Variants in DST observed in about 807,000 individuals in gnomAD.
DST encodes the protein dystonin.
A neutral mutation model predicts 875.2 loss-of-function variants in DST; 253 were observed. That is an observed-to-expected ratio of 0.29 (90% confidence interval 0.26 to 0.32). The LOEUF (loss-of-function observed/expected upper bound fraction) is 0.32, where lower values mean the gene tolerates loss of function less well. DST is among the 10% of genes least tolerant of loss of function. The probability of loss-of-function intolerance (pLI) is 1.00; values close to 1 mark genes in which losing one functional copy is unlikely to be tolerated. For missense variants in DST, 8,287 were observed against 9,111.6 expected (o/e 0.91, Z 3.68); for synonymous variants, 3,124 against 3,197.1 (o/e 0.98, Z 0.77).
chr6:56,555,907 G>C, intron 59 of DST, 67 bp from the exon 60 acceptor site: 1 of 1,360,032 alleles, frequency 7.4e-7, no homozygotes, highest in Middle Eastern at 1.9e-4. Flanking sequence ...CAGATTTGGT[G>C]TCCAAACAGA....
intron 86 of DST, among the ~76,000 whole-genome samples, chr6:56,488,596 G>C (rs6459162): frequency 1.2e-3 from 184 of 152,270 alleles, no homozygotes; most frequent in Non-Finnish European, 1.9e-3. Flanking sequence ...CCCACTGATG[G>C]AAGCAGCCAA....
At chr6:56,465,867 TAAA>T (rs11359681) in intron 99 of DST, among the ~76,000 whole-genome samples, 17 of 112,374 alleles carry the variant, frequency 1.5e-4, no homozygotes, top group Admixed American at 1.9e-4. Context: ...CCAGAAAAAG[TAAA>T]AAAAAAAAAA....
chr6:56,462,814 A>G (rs1324198529), intron 102 of DST, among the ~76,000 whole-genome samples: 2 of 152,218 alleles, frequency 1.3e-5, no homozygotes, highest in African/African-American at 4.8e-5. Context: ...AGTCTGCAGG[A>G]GTGACTGGGT....
chr6:56,949,250 GTTTGTTTTTGTTGT>G (rs1366880358), intron 2 of DST, among the ~76,000 whole-genome samples: 4 of 152,214 alleles, frequency 2.6e-5, no homozygotes, highest in Middle Eastern at 6.8e-3. Flanking sequence ...GTTTTTGTTT[GTTTGTTTTTGTTGT>G]TTTGTTTTTG....
Position 56,804,085 on chromosome 6 carries a change from T to C in DST, c.625+47312A>G, listed in dbSNP as rs116034686. On this transcript the variant is annotated intron_variant, in intron 4 of 103. Transcript: ENST00000680361. The stretch of plus-strand genomic sequence containing the variant: ...AAATTTGAATATACTGTTTAAATCA[T>C]AGATTTCATTTACAAAATCAAACTA... Among the ~76,000 whole-genome samples the C allele has an allele frequency of 7.4e-3, 1,122 of 152,296 alleles. 12 individuals carry two copies. The highest frequency in any genetic ancestry group is 0.026 in the African/African-American group (1,079 of 41,554).
At chr6:56,633,894 T>C (rs554344152) in intron 27 of DST, among the ~76,000 whole-genome samples, 4 of 152,316 alleles carry the variant, frequency 2.6e-5, no homozygotes, top group African/African-American at 9.6e-5. Context: ...ACAACTACAT[T>C]CTGCCTCCCT....
Position 56,611,531 on chromosome 6 carries a change from A to C in DST, c.5124T>G (p.Leu1708=), listed in dbSNP as rs748189091. The change falls in exon 38 of 104, where the codon CTT becomes CTG. Residue 1708 remains leucine (L), a synonymous_variant. Transcript: ENST00000680361. ...QLSEALQTIQ[L]FLAKHGDKMT... ...ACTTGTCTCCATGTTTTGCCAAAAA[A>C]AGCTGTATAGTTTGAAGTGCTTCCG... is the stretch of plus-strand genomic sequence containing the variant. 4.3e-6 allele frequency: 7 copies of C among 1,612,762 alleles called. No homozygotes were observed. The African/African-American group carries it at 6.7e-5, about 15-fold the overall frequency.
intron 4 of DST, among the ~76,000 whole-genome samples, chr6:56,753,594 A>G (rs749895521): frequency 5.9e-5 from 9 of 152,228 alleles, no homozygotes; most frequent in Non-Finnish European, 1.2e-4. Context: ...TCTTAGTGCT[A>G]TTTGATAGAC....
At position 56,640,412 on chromosome 6, in the gene DST, G is replaced by C; in HGVS notation, c.2221C>G (p.Leu741Val). The C allele has an allele frequency of 6.2e-7, 1 of 1,614,140 alleles. No individual in the cohort carries two copies. The highest frequency in any genetic ancestry group is 1.3e-5 in the African/African-American group (1 of 75,018). The stretch of plus-strand genomic sequence containing the variant: ...CCAGAAGTCATACTAGAAGAGGTTA[G>C]GGAAGGTGTTAAACTCTGGGTCAGC... ...SGLTQSLTPSLTSSSMTSGLS... is the reference protein window; with the variant it reads ...SGLTQSLTPSVTSSSMTSGLS... Residue 741 changes from leucine (L) to valine (V), a missense_variant, in exon 18 of 104, where the codon CTA (leucine) becomes GTA (valine). Transcript: ENST00000680361.
chr6:56,617,455 C>T (rs1415869562), intron 36 of DST: 1 of 1,492,302 alleles, frequency 6.7e-7, no homozygotes, highest in East Asian at 2.3e-5. Flanking sequence ...AAAGTCACCT[C>T]AAGAACATTA....
chr6:56,460,353 A>G (rs752307723), intron 102 of DST, 99 bp from the exon 103 acceptor site: 7 of 1,324,518 alleles, frequency 5.3e-6, no homozygotes, highest in Non-Finnish European at 7.3e-6. Context: ...ACTCTCTACT[A>G]TTCCTCTTTA....
intron 4 of DST, among the ~76,000 whole-genome samples, chr6:56,762,975 C>T (rs913024329): frequency 3.3e-5 from 5 of 151,436 alleles, no homozygotes; most frequent in South Asian, 2.1e-4. Flanking sequence ...CTCAGCTTCC[C>T]GAGTAGCTGG....
intron 36 of DST, chr6:56,615,344 A>C (rs969448422): frequency 1.4e-6 from 2 of 1,457,098 alleles, no homozygotes; most frequent in African/African-American, 1.4e-5. Context: ...ATCTTATGTA[A>C]TTTTCAATTT....
Position 56,776,218 on chromosome 6 carries a change from TA to T in DST, c.626-40930del, listed in dbSNP as rs548763796. Among the ~76,000 whole-genome samples, 507 of 152,310 alleles carry T rather than the reference TA, an allele frequency of 3.3e-3. 5 individuals carry two copies. The highest frequency in any genetic ancestry group is 0.012 in the African/African-American group (490 of 41,564). The stretch of plus-strand genomic sequence containing the variant: ...GATAAACCCAAATTGAAGGACATTC[TA>T]CAAAATACCTGACCACTACTCCTCA... On this transcript the variant is annotated intron_variant, in intron 4 of 103. Transcript: ENST00000680361.
intron 80 of DST, among the ~76,000 whole-genome samples, chr6:56,498,522 G>A (rs186879449): frequency 8.9e-4 from 136 of 152,222 alleles, no homozygotes; most frequent in Non-Finnish European, 8.7e-4. Flanking sequence ...CCACTGGAAT[G>A]ACCTTGCAAT....
At chr6:56,952,976 C>T (rs1384306652) in intron 2 of DST, among the ~76,000 whole-genome samples, 2 of 152,142 alleles carry the variant, frequency 1.3e-5, no homozygotes, top group African/African-American at 2.4e-5. Context: ...ATCTGATTAA[C>T]TAATGAAATG....
rs750727762 is a variant in DST, at chr6:56,553,386, A to C, written c.15406T>G (p.Leu5136Val). ...LKTQGSEKAALQLQLNTIKTN... is the reference protein window; with the variant it reads ...LKTQGSEKAAVQLQLNTIKTN... ...TTAATTGTATTAAGCTGTAACTGTAAGGCTGCCTTCTCAGACCCTTGTGTT... is the reference window on the plus strand; with the variant it reads ...TTAATTGTATTAAGCTGTAACTGTACGGCTGCCTTCTCAGACCCTTGTGTT... Residue 5136 changes from leucine to valine, a missense_variant, in exon 61 of 104, where the codon TTA becomes GTA. Physicochemically the swap from Leu to Val is conservative, Grantham distance 32 (BLOSUM62 1). Transcript: ENST00000680361. The C allele has an allele frequency of 9.4e-6, 15 of 1,603,338 alleles. No individual in the cohort carries two copies. Among genetic ancestry groups the C allele is most frequent in the Admixed American group, 1.7e-5 (1 of 57,970 alleles).
At chr6:56,493,202 T>C in intron 83 of DST, 113 bp from the exon 84 acceptor site, 2 of 794,476 alleles carry the variant, frequency 2.5e-6, no homozygotes, top group Non-Finnish European at 3.7e-6. Flanking sequence ...TATTTATGCA[T>C]ATCTATTAAT....
Position 56,629,401 on chromosome 6 carries a change from C to T in DST, c.4324G>A (p.Ala1442Thr). 6 of 1,613,582 alleles carry T rather than the reference C, an allele frequency of 3.7e-6. No homozygotes were observed. The highest frequency in any genetic ancestry group is 4.2e-6 in the Non-Finnish European group (5 of 1,179,694). The change falls in exon 32 of 104, where the codon GCC (alanine) becomes ACC (threonine). Residue 1442 changes from alanine (A) to threonine (T), a missense_variant. Coordinates refer to ENST00000680361, the MANE Select transcript of DST (RefSeq NM_001374736.1). ...EVDEKRQVFH[A>T]LEDELQKAKA... ...GCTTTCTGCAACTCATCCTCTAAGG[C>T]ATGGAATACCTGTCTCTTTTCATCT...
Sources: gnomAD v4.1 joint callset for allele counts (sites outside exome capture counted in the v4.1 genomes callset) on GRCh38, gnomAD v4.1.1 for gene constraint, MANE v1.5 for transcripts, NCBI Gene and HGNC (gene_info 2026-07-23, HGNC 2026-07-21) for gene names.